ANOS1: variants seen among roughly 807,000 people sequenced by gnomAD.
ANOS1 encodes the protein anosmin 1.
In ANOS1, 6 loss-of-function variants were observed where a neutral mutation model predicts 59.0. The observed-to-expected ratio is 0.10, with a 90% CI of 0.06 to 0.20. ANOS1 has a LOEUF of 0.20. ANOS1 is among the 10% of genes least tolerant of loss of function. The probability of loss-of-function intolerance (pLI) is 1.00; values close to 1 mark genes in which losing one functional copy is unlikely to be tolerated. For synonymous variants in ANOS1, 217 were observed against 223.4 expected (o/e 0.97, Z 0.25); for missense variants, 433 against 542.3 (o/e 0.80, Z 2.00).
intron 2 of ANOS1, among the ~76,000 whole-genome samples, chrX:8,666,531 T>C (rs1460521828): frequency 8.9e-6 from 1 of 111,734 alleles, no homozygotes; most frequent in East Asian, 2.8e-4. Flanking sequence ...ATCTGCAACA[T>C]TGTAAGTTTT....
At chrX:8,543,550 T>G (rs1484247162) in intron 9 of ANOS1, among the ~76,000 whole-genome samples, 1 of 110,987 alleles carries the variant, frequency 9.0e-6, no homozygotes, top group Non-Finnish European at 1.9e-5. Flanking sequence ...GGTCTCAATC[T>G]GTAACTAGAA....
chrX:8,591,456 T>G (rs1278885829), intron 4 of ANOS1, among the ~76,000 whole-genome samples: 1 of 111,435 alleles, frequency 9.0e-6, no homozygotes, highest in Non-Finnish European at 1.9e-5. Flanking sequence ...GCCTCCGAAG[T>G]GACCTGAACT....
chrX:8,714,354 G>A (rs1278570809), intron 1 of ANOS1, among the ~76,000 whole-genome samples: 1 of 111,764 alleles, frequency 8.9e-6, no homozygotes, highest in Admixed American at 9.5e-5. Flanking sequence ...ATTACTGCCT[G>A]GAATCTGGCA....
intron 9 of ANOS1, among the ~76,000 whole-genome samples, chrX:8,542,604 G>A (rs1337755486): frequency 9.2e-6 from 1 of 108,251 alleles, no homozygotes; most frequent in Non-Finnish European, 1.9e-5. Flanking sequence ...CTAAAATCAA[G>A]GCAGGCCTGT....
At chrX:8,707,686 T>C (rs1932787300) in intron 1 of ANOS1, among the ~76,000 whole-genome samples, 1 of 111,462 alleles carries the variant, frequency 9.0e-6, no homozygotes, top group Non-Finnish European at 1.9e-5. Flanking sequence ...TGATTTTAAA[T>C]ATATAGGAGG....
intron 8 of ANOS1, among the ~76,000 whole-genome samples, chrX:8,566,623 A>G (rs1930118890): frequency 1.8e-5 from 2 of 111,253 alleles, no homozygotes; most frequent in Non-Finnish European, 3.8e-5. Flanking sequence ...AGATGGATGA[A>G]TGGATTAAAA....
At chrX:8,694,024 A>C (rs749483079) in intron 2 of ANOS1, among the ~76,000 whole-genome samples, 2 of 111,553 alleles carry the variant, frequency 1.8e-5, no homozygotes, top group Non-Finnish European at 3.8e-5. Flanking sequence ...CCCAGGCTGG[A>C]ATATTGCATG....
chrX:8,575,819 C>A (rs1209519267), intron 6 of ANOS1, among the ~76,000 whole-genome samples: 1 of 111,514 alleles, frequency 9.0e-6, no homozygotes, highest in African/African-American at 3.3e-5. Context: ...AACTGTAAAA[C>A]CAGGTCAGAC....
intron 2 of ANOS1, among the ~76,000 whole-genome samples, chrX:8,666,544 C>T (rs5934475): frequency 0.27 from 30,289 of 110,646 alleles, 4,152 homozygotes; most frequent in African/African-American, 0.51. Flanking sequence ...TAAGTTTTCC[C>T]GTTGTAACTT....
At chrX:8,556,937 G>C (rs776322373) in intron 8 of ANOS1, among the ~76,000 whole-genome samples, 49 of 111,654 alleles carry the variant, frequency 4.4e-4, no homozygotes, top group African/African-American at 1.5e-3. Flanking sequence ...ACACTACAAG[G>C]CTACAGTAAC....
intron 9 of ANOS1, among the ~76,000 whole-genome samples, chrX:8,545,409 A>AAGGC (rs1555982858): frequency 4.5e-4 from 47 of 104,631 alleles, no homozygotes; most frequent in Middle Eastern, 5.0e-3. Context: ...GGAAGGAAGG[A>AAGGC]AGGCAGGCAG....
Position 8,731,961 on chromosome X carries a change from CGGCCGCCAGGCAGCCGCTGGA to C in ANOS1, c.55_75del (p.Ser19_Ala25del), listed in dbSNP as rs746080029. 6.3e-5 allele frequency: 70 copies of C among 1,110,201 alleles called. No individual in the cohort carries two copies. The highest frequency in any genetic ancestry group is 3.5e-4 in the Middle Eastern group (1 of 2,891). 91.5% of individuals were successfully genotyped at this position (1,110,201 alleles called of 1,213,427 possible). A position where few individuals can be genotyped will look rare whatever the true frequency, so the allele number is the denominator to read the frequency against. The stretch of plus-strand genomic sequence containing the variant: ...CGCCGCGCAGCAGCCGCGCCGGGGC[CGGCCGCCAGGCAGCCGCTGGA>C]GGCCGCCAGCCAGAGGCAGAGGGTC... On this transcript the variant is annotated inframe_deletion, in exon 1 of 14. Transcript: ENST00000262648.
chrX:8,581,161 C>T (rs1250558617), intron 6 of ANOS1, among the ~76,000 whole-genome samples: 1 of 99,350 alleles, frequency 1.0e-5, no homozygotes, highest in Non-Finnish European at 1.9e-5. Context: ...CCAGAATTCC[C>T]ACATGTTGTG....
chrX:8,592,369 T>C (rs1014721980), intron 4 of ANOS1, among the ~76,000 whole-genome samples: 22 of 112,337 alleles, frequency 2.0e-4, no homozygotes, highest in Non-Finnish European at 3.6e-4. Context: ...ATTAATTATT[T>C]GTGGAAATAT....
chrX:8,565,355 G>A (rs771524987), intron 8 of ANOS1, among the ~76,000 whole-genome samples: 2 of 111,384 alleles, frequency 1.8e-5, no homozygotes, highest in South Asian at 7.6e-4. Flanking sequence ...GAAGGGGGTT[G>A]GTAAGGAATA....
In ANOS1 at chrX:8,532,897, T is replaced by C. The variant is rs763478407; in HGVS notation, c.*98A>G. 2 of 566,554 alleles carry C rather than the reference T, an allele frequency of 3.5e-6. No homozygotes were observed. Among genetic ancestry groups the C allele is most frequent in the Non-Finnish European group, 6.3e-6 (2 of 319,026 alleles). The allele number at this position is 566,554 out of a possible 1,213,427, so 46.7% of individuals were successfully genotyped here. A position where few individuals can be genotyped will look rare whatever the true frequency, so the allele number is the denominator to read the frequency against. The stretch of plus-strand genomic sequence containing the variant: ...AGTCACATAGGAGAGTCCGGGCCTC[T>C]GAGCAGTTCCCACTGCCTCTGGAAG... On this transcript the variant is annotated 3_prime_UTR_variant, in exon 14 of 14. Coordinates refer to ENST00000262648, the MANE Select transcript of ANOS1 (RefSeq NM_000216.4).
intron 2 of ANOS1, among the ~76,000 whole-genome samples, chrX:8,687,479 C>T (rs1228649864): frequency 2.8e-5 from 3 of 108,962 alleles, no homozygotes; most frequent in Non-Finnish European, 3.8e-5. Flanking sequence ...AAGCAACCCA[C>T]TTCCTGCATA....
rs184374533 is a variant in ANOS1 at position 8,728,769 on chromosome X, C to T, written c.207+3061G>A. ...TGAAATGATGGGGTTTCCATCCCAT[C>T]TTCCTTTCTTCCTTTCCAGGTCAGA... On this transcript the variant is annotated intron_variant, in intron 1 of 13. Coordinates refer to ENST00000262648, the MANE Select transcript of ANOS1 (RefSeq NM_000216.4). Among the ~76,000 whole-genome samples the T allele has an allele frequency of 2.7e-5, 3 of 112,176 alleles. No individual in the cohort carries two copies. In the East Asian group the frequency reaches 8.4e-4, roughly 32 times the overall value.
intron 3 of ANOS1, among the ~76,000 whole-genome samples, chrX:8,611,406 G>C (rs1348906805): frequency 9.1e-6 from 1 of 109,465 alleles, no homozygotes; most frequent in African/African-American, 3.3e-5. Flanking sequence ...CAAGAGAAGA[G>C]AGAAGATGGG....
Sources: allele counts gnomAD v4.1 joint callset (sites outside exome capture counted in the v4.1 genomes callset), GRCh38; gene constraint gnomAD v4.1.1; transcripts MANE v1.5; gene names NCBI Gene and HGNC (gene_info 2026-07-23, HGNC 2026-07-21).